Variants in DPP10 observed in about 807,000 individuals in gnomAD.
DPP10 encodes inactive dipeptidyl peptidase 10.
In DPP10, 33 loss-of-function variants were observed where a neutral mutation model predicts 120.9. The observed-to-expected ratio is 0.27, with a 90% confidence interval of 0.21 to 0.37. The LOEUF (loss-of-function observed/expected upper bound fraction) is 0.37. Ranked by LOEUF, DPP10 falls within the 10% of genes least tolerant of loss-of-function variation. DPP10 has a pLI of 1.00. For missense variants in DPP10, 816 were observed against 942.8 expected (o/e 0.87, Z 1.76); for synonymous variants, 337 against 326.1 (o/e 1.03, Z -0.36).
intron 1 of DPP10, among the ~76,000 whole-genome samples, chr2:114,743,291 CA>C (rs960009610): frequency 2.4e-4 from 37 of 152,084 alleles, no homozygotes; most frequent in African/African-American, 8.0e-4. Flanking sequence ...CCTGATTCCC[CA>C]ACTGTCTTCG....
intron 1 of DPP10, among the ~76,000 whole-genome samples, chr2:115,168,584 C>CT (rs2053080188): frequency 6.6e-6 from 1 of 152,204 alleles, no homozygotes; most frequent in Admixed American, 6.5e-5. Flanking sequence ...TAACCAATCT[C>CT]TGTTTATTTG....
intron 1 of DPP10, among the ~76,000 whole-genome samples, chr2:114,602,968 G>A (rs1352414797): frequency 6.6e-6 from 1 of 151,944 alleles, no homozygotes; most frequent in Non-Finnish European, 1.5e-5. Context: ...TATGTAATGG[G>A]ATACATAATT....
At chr2:115,665,643 A>G (rs1468194606) in intron 5 of DPP10, among the ~76,000 whole-genome samples, 1 of 152,108 alleles carries the variant, frequency 6.6e-6, no homozygotes, top group East Asian at 1.9e-4. Flanking sequence ...ATCTTGCTAT[A>G]TTTTACCCCA....
At chr2:114,822,518 T>C (rs1021969780) in intron 1 of DPP10, among the ~76,000 whole-genome samples, 1 of 152,180 alleles carries the variant, frequency 6.6e-6, no homozygotes, top group Non-Finnish European at 1.5e-5. Context: ...TGGCTCCTTG[T>C]TTCTTATGCA....
chr2:114,553,617 G>T (rs1688057852), intron 1 of DPP10, among the ~76,000 whole-genome samples: 1 of 152,164 alleles, frequency 6.6e-6, no homozygotes, highest in South Asian at 2.1e-4. Context: ...ATGTAGGCTG[G>T]ACAGCAAATA....
At chr2:115,292,283 C>T (rs976717693) in intron 1 of DPP10, among the ~76,000 whole-genome samples, 5 of 151,984 alleles carry the variant, frequency 3.3e-5, no homozygotes, top group African/African-American at 1.2e-4. Context: ...TATGTTTTTT[C>T]CTAGTCATTT....
chr2:115,197,285 A>T (rs1385156141), intron 1 of DPP10, among the ~76,000 whole-genome samples: 1 of 151,824 alleles, frequency 6.6e-6, no homozygotes, highest in Non-Finnish European at 1.5e-5. Context: ...CCAGCTACTC[A>T]GGAGGCTGAG....
intron 1 of DPP10, among the ~76,000 whole-genome samples, chr2:114,488,238 G>A (rs559068966): frequency 3.9e-5 from 6 of 152,288 alleles, no homozygotes; most frequent in Admixed American, 2.6e-4. Flanking sequence ...GGGAAGCAAC[G>A]GGACAGGGGT....
At chr2:114,555,982 G>T (rs1411580938) in intron 1 of DPP10, among the ~76,000 whole-genome samples, 1 of 152,038 alleles carries the variant, frequency 6.6e-6, no homozygotes, top group African/African-American at 2.4e-5. Flanking sequence ...CCAGGAGCCA[G>T]ATCATCAAGC....
chr2:115,574,261 T>G (rs773452030), intron 5 of DPP10, among the ~76,000 whole-genome samples: 2 of 152,192 alleles, frequency 1.3e-5, no homozygotes, highest in Non-Finnish European at 2.9e-5. Flanking sequence ...CCATGAAATC[T>G]TGGAAACTGT....
intron 2 of DPP10, among the ~76,000 whole-genome samples, chr2:115,335,223 C>T (rs1192732424): frequency 2.0e-5 from 3 of 151,946 alleles, no homozygotes; most frequent in African/African-American, 7.2e-5. Context: ...AGTCACCTCC[C>T]ACTGGGTTCT....
intron 1 of DPP10, among the ~76,000 whole-genome samples, chr2:114,933,661 G>A (rs1696245520): frequency 6.6e-6 from 1 of 152,124 alleles, no homozygotes; most frequent in Non-Finnish European, 1.5e-5. Flanking sequence ...ACAATAAAAA[G>A]TATCAAAGGG....
intron 4 of DPP10, among the ~76,000 whole-genome samples, chr2:115,523,281 C>T (rs753212060): frequency 5.3e-5 from 8 of 151,082 alleles, no homozygotes; most frequent in Non-Finnish European, 7.4e-5. Context: ...GAGGCACAGA[C>T]GCACCTGTGA....
At chr2:114,465,411 T>A (rs1203596200) in intron 1 of DPP10, among the ~76,000 whole-genome samples, 2 of 152,226 alleles carry the variant, frequency 1.3e-5, no homozygotes, top group African/African-American at 2.4e-5. Flanking sequence ...TGCATTTCTA[T>A]GCCTTTTCGA....
chr2:114,579,796 C>G (rs1690349728), intron 1 of DPP10, among the ~76,000 whole-genome samples: 1 of 152,068 alleles, frequency 6.6e-6, no homozygotes, highest in East Asian at 1.9e-4. Flanking sequence ...AACCCAGACT[C>G]TACATCTAAT....
chr2:114,523,223 A>G (rs1685219484), intron 1 of DPP10, among the ~76,000 whole-genome samples: 1 of 152,200 alleles, frequency 6.6e-6, no homozygotes, highest in African/African-American at 2.4e-5. Flanking sequence ...CCACAGTGCT[A>G]GCCCCATTTT....
intron 17 of DPP10, among the ~76,000 whole-genome samples, chr2:115,789,108 A>G (rs1490165231): frequency 6.6e-6 from 1 of 151,740 alleles, no homozygotes; most frequent in Non-Finnish European, 1.5e-5. Flanking sequence ...AAAGAATGAG[A>G]CTCCGTCTCA....
chr2:114,684,202 G>C (rs1477549821), intron 1 of DPP10, among the ~76,000 whole-genome samples: 1 of 151,842 alleles, frequency 6.6e-6, no homozygotes, highest in Non-Finnish European at 1.5e-5. Context: ...GGCCCTGTGG[G>C]AACTGAAATA....
intron 5 of DPP10, among the ~76,000 whole-genome samples, chr2:115,587,792 G>A (rs1021212514): frequency 6.6e-5 from 10 of 152,152 alleles, no homozygotes; most frequent in Admixed American, 5.2e-4. Flanking sequence ...TTGATCACAT[G>A]TTGTGTCCAT....
Sources: allele counts gnomAD v4.1 joint callset (sites outside exome capture counted in the v4.1 genomes callset), GRCh38; gene constraint gnomAD v4.1.1; transcripts MANE v1.5; gene names NCBI Gene and HGNC (gene_info 2026-07-23, HGNC 2026-07-21).